Variants in TAS2R1 observed in about 807,000 individuals in gnomAD.
The protein encoded by TAS2R1 is taste 2 receptor member 1, also known as taste receptor type 2 member 1.
For synonymous variants in TAS2R1, 141 were observed against 134.2 expected (o/e 1.05, Z -0.35); for missense variants, 370 against 353.4 (o/e 1.05, Z -0.38).
At chr5:9,705,934 G>C (rs1000077995) in intron 1 of TAS2R1, among the ~76,000 whole-genome samples, 1 of 152,276 alleles carries the variant, frequency 6.6e-6, no homozygotes, top group Non-Finnish European at 1.5e-5. Flanking sequence ...ACTGGGCTTG[G>C]TGAGAGGAAG....
chr5:9,890,848 A>G, the TAS2R1 span, among the ~76,000 whole-genome samples: 351 of 152,320 alleles, frequency 2.3e-3, 1 homozygote, highest in Admixed American at 5.6e-3. Context: ...TCCAAAAACA[A>G]GGCACAATGT....
chr5:9,881,088 C>T, the TAS2R1 span, among the ~76,000 whole-genome samples: 1 of 152,038 alleles, frequency 6.6e-6, no homozygotes, highest in Non-Finnish European at 1.5e-5. Context: ...TAGGATTCCC[C>T]CAGTGCAGCA....
intron 1 of TAS2R1, among the ~76,000 whole-genome samples, chr5:9,664,043 G>A (rs1388708179): frequency 6.6e-6 from 1 of 152,160 alleles, no homozygotes; most frequent in African/African-American, 2.4e-5. Flanking sequence ...AGGACTGTGA[G>A]ATAATACATT....
chr5:9,851,408 A>G, the TAS2R1 span, among the ~76,000 whole-genome samples: 2 of 152,058 alleles, frequency 1.3e-5, no homozygotes, highest in Admixed American at 1.3e-4. Context: ...ACCACCTATA[A>G]CTCTAGAGCA....
At chr5:9,822,591 C>T in the TAS2R1 span, among the ~76,000 whole-genome samples, 45,096 of 151,898 alleles carry the variant, frequency 0.3, 7,776 homozygotes, top group Admixed American at 0.4. Flanking sequence ...CCTCGTGATC[C>T]GCCCGCCTCG....
At chr5:9,745,470 G>A in the TAS2R1 span, among the ~76,000 whole-genome samples, 1 of 151,694 alleles carries the variant, frequency 6.6e-6, no homozygotes, top group Non-Finnish European at 1.5e-5. Flanking sequence ...GACAATACTA[G>A]GCAAAAAGAA....
At chr5:9,763,233 G>C in the TAS2R1 span, among the ~76,000 whole-genome samples, 21 of 152,254 alleles carry the variant, frequency 1.4e-4, no homozygotes, top group Admixed American at 5.9e-4. Flanking sequence ...GGCCAGGCAC[G>C]GTGGCTCACG....
chr5:9,656,981 T>C (rs897360590), intron 2 of TAS2R1, among the ~76,000 whole-genome samples: 3 of 152,120 alleles, frequency 2.0e-5, no homozygotes, highest in Admixed American at 1.3e-4. Flanking sequence ...TTAACGATGA[T>C]ATATAATATA....
At chr5:9,802,764 G>T in the TAS2R1 span, among the ~76,000 whole-genome samples, 1 of 152,084 alleles carries the variant, frequency 6.6e-6, no homozygotes, top group Non-Finnish European at 1.5e-5. Flanking sequence ...TTAGCCGGAC[G>T]TGGTGGCGGG....
the TAS2R1 span, among the ~76,000 whole-genome samples, chr5:9,836,116 G>T: frequency 6.6e-6 from 1 of 152,072 alleles, no homozygotes. Flanking sequence ...TTTTAAAAAG[G>T]GGAGTTTCCC....
the TAS2R1 span, among the ~76,000 whole-genome samples, chr5:9,789,895 G>A: frequency 6.6e-6 from 1 of 152,342 alleles, no homozygotes; most frequent in African/African-American, 2.4e-5. Flanking sequence ...CGTAAGTCCT[G>A]CAGTCCAGAA....
At chr5:9,664,139 C>T (rs1262746777) in intron 1 of TAS2R1, among the ~76,000 whole-genome samples, 1 of 152,112 alleles carries the variant, frequency 6.6e-6, no homozygotes, top group Non-Finnish European at 1.5e-5. Context: ...CCATGCCTCC[C>T]TCATCGCCCC....
At chr5:9,737,926 T>C in the TAS2R1 span, among the ~76,000 whole-genome samples, 1 of 152,212 alleles carries the variant, frequency 6.6e-6, no homozygotes, top group Non-Finnish European at 1.5e-5. Context: ...CCCTGTGTTG[T>C]TCTGTCTGCT....
chr5:9,735,221 A>C, the TAS2R1 span, among the ~76,000 whole-genome samples: 1 of 151,388 alleles, frequency 6.6e-6, no homozygotes, highest in African/African-American at 2.5e-5. Context: ...AGGCCCCTCC[A>C]ACACTGGAGA....
intron 1 of TAS2R1, among the ~76,000 whole-genome samples, chr5:9,688,951 C>T (rs1429453230): frequency 6.6e-6 from 1 of 152,088 alleles, no homozygotes. Flanking sequence ...CTAGTCAGAG[C>T]CAGGCCCTGG....
At chr5:9,640,635 G>C (rs1740064285) in intron 2 of TAS2R1, among the ~76,000 whole-genome samples, 2 of 151,858 alleles carry the variant, frequency 1.3e-5, no homozygotes, top group South Asian at 2.1e-4. Flanking sequence ...TGGTTTCTCA[G>C]TCAAGCGTCT....
chr5:9,860,358 T>C, the TAS2R1 span, among the ~76,000 whole-genome samples: 1 of 152,316 alleles, frequency 6.6e-6, no homozygotes, highest in Non-Finnish European at 1.5e-5. Context: ...ACCACTGCCA[T>C]TCTCCATTTA....
At chr5:9,712,976 G>A (rs576290918), upstream of TAS2R1, 16 of 152,260 alleles carry the variant, frequency 1.1e-4, no homozygotes, top group East Asian at 3.1e-3. Flanking sequence ...CATGCACTTG[G>A]CCCTGGTCAT....
the TAS2R1 span, among the ~76,000 whole-genome samples, chr5:9,724,712 T>C: frequency 6.6e-6 from 1 of 152,184 alleles, no homozygotes; most frequent in South Asian, 2.1e-4. Context: ...TGAGTTTTCC[T>C]TGGGAGAGCT....
Sources: gnomAD v4.1 joint callset for allele counts (sites outside exome capture counted in the v4.1 genomes callset) on GRCh38, gnomAD v4.1.1 for gene constraint, MANE v1.5 for transcripts, NCBI Gene and HGNC (gene_info 2026-07-23, HGNC 2026-07-21) for gene names.